The following SYT13 variants were observed in gnomAD, a reference collection of about 807,000 sequenced individuals.
The protein encoded by SYT13 is synaptotagmin 13.
SYT13 carries 21 observed loss-of-function variants against 38.6 expected under a neutral mutation model. The ratio of observed to expected loss-of-function variants is 0.54; its 90% CI spans 0.39 to 0.78. SYT13 has a LOEUF of 0.78. Among genes scored for constraint, SYT13 ranks in the 30% least tolerant of loss-of-function variants. The pLI, the probability that SYT13 is intolerant of heterozygous loss-of-function variation, is 0.00. For synonymous variants in SYT13, 241 were observed against 237.6 expected (o/e 1.01, Z -0.13); for missense variants, 495 against 548.7 (o/e 0.90, Z 0.98).
chr11:45,261,698 T>C (rs1854818892), intron 1 of SYT13, among the ~76,000 whole-genome samples: 1 of 152,036 alleles, frequency 6.6e-6, no homozygotes, highest in African/African-American at 2.4e-5. Context: ...GGTGACTTAC[T>C]TGAGGTCAGG....
chr11:45,240,662 T>C lies in SYT13; in HGVS notation c.*3390A>G, dbSNP rs1854539360. On this transcript the variant is annotated 3_prime_UTR_variant, in exon 6 of 6. Coordinates refer to ENST00000020926, the MANE Select transcript of SYT13 (RefSeq NM_020826.3). Reference sequence around the variant, plus strand: ...CAGACATATGCAAGGTCTTAATCAATAAGTGCTCAACAAATAGATATTGAT... The same window carrying C: ...CAGACATATGCAAGGTCTTAATCAACAAGTGCTCAACAAATAGATATTGAT... 1.3e-5 allele frequency: 2 copies of C among 152,338 alleles called. 1 individual carries two copies. The highest frequency in any genetic ancestry group is 6.8e-3 in the Middle Eastern group (2 of 294). 9.4% of individuals were successfully genotyped at this position (152,338 alleles called of 1,614,324 possible).
intron 5 of SYT13, 100 bp downstream of exon 5, chr11:45,246,283 C>G: frequency 6.6e-7 from 1 of 1,517,998 alleles, no homozygotes; most frequent in South Asian, 1.3e-5. Context: ...TATTCCACCT[C>G]CCTGCTTACC....
intron 5 of SYT13, among the ~76,000 whole-genome samples, chr11:45,244,674 C>T (rs1350344441): frequency 6.6e-5 from 10 of 152,120 alleles, no homozygotes; most frequent in Admixed American, 1.3e-4. Flanking sequence ...TTCTCCACTC[C>T]CCCACTAGGC....
At chr11:45,248,410 T>C (rs1410145160) in intron 4 of SYT13, among the ~76,000 whole-genome samples, 1 of 152,232 alleles carries the variant, frequency 6.6e-6, no homozygotes, top group Non-Finnish European at 1.5e-5. Flanking sequence ...AGAGGGCTAC[T>C]GATTTTGTTC....
chr11:45,251,992 G>A (rs906967675), intron 4 of SYT13, among the ~76,000 whole-genome samples: 15 of 152,198 alleles, frequency 9.9e-5, no homozygotes, highest in African/African-American at 3.6e-4. Context: ...TTGTCCCCTA[G>A]TCTGTACACT....
In SYT13 at chr11:45,252,726, C is replaced by T. The variant is rs747005701; in HGVS notation, c.545-4G>A. 4.5e-6 allele frequency: 7 copies of T among 1,564,890 alleles called. No individual in the cohort carries two copies. The South Asian group carries it at 7.1e-5, about 16-fold the overall frequency. Reference sequence around the variant, plus strand: ...CCGTCGTGGTTGCTGGTCACAGCTGCAGGCAAGGAGAACAACACAGGCGTG... The same window carrying T: ...CCGTCGTGGTTGCTGGTCACAGCTGTAGGCAAGGAGAACAACACAGGCGTG... On this transcript the variant is annotated splice_polypyrimidine_tract_variant and splice_region_variant and intron_variant, in intron 3 of 5. Coordinates refer to ENST00000020926, the MANE Select transcript of SYT13 (RefSeq NM_020826.3). This position sits in a 1 kb window ranked among gnomAD's most constrained non-coding sequence, Gnocchi z 4.3.
At chr11:45,266,289 G>A (rs528406341) in intron 1 of SYT13, among the ~76,000 whole-genome samples, 5 of 152,094 alleles carry the variant, frequency 3.3e-5, no homozygotes, top group South Asian at 2.1e-4. Context: ...AAGCTGACAC[G>A]TACTCTAGGG....
In SYT13 at chr11:45,286,223, C is replaced by G; in HGVS notation, c.-16G>C. On this transcript the variant is annotated 5_prime_UTR_variant, in exon 1 of 6. Coordinates refer to ENST00000020926, the MANE Select transcript of SYT13 (RefSeq NM_020826.3). ...ACAGCACCATGGTGCCCGCTCCCGG[C>G]GAGGGGCTGGGTCCCGCAGCCGCTC... The G allele has an allele frequency of 6.5e-7, 1 of 1,529,740 alleles. No individual in the cohort carries two copies. The allele number at this position is 1,529,740 out of a possible 1,614,324, so 94.8% of individuals were successfully genotyped here.
At chr11:45,268,690 C>A (rs1854913381) in intron 1 of SYT13, among the ~76,000 whole-genome samples, 1 of 152,108 alleles carries the variant, frequency 6.6e-6, no homozygotes, top group African/African-American at 2.4e-5. Flanking sequence ...GACTGTGGAG[C>A]CCACAGGCTT....
intron 2 of SYT13, chr11:45,254,744 C>A: frequency 4.9e-6 from 1 of 205,436 alleles, no homozygotes. Context: ...TCCCCAGTGC[C>A]CAGCAGCAGC....
chr11:45,269,448 G>A (rs1034718361), intron 1 of SYT13: 5 of 1,274,056 alleles, frequency 3.9e-6, no homozygotes, highest in East Asian at 5.8e-5. Context: ...CATTATTTCA[G>A]CAGTCACATC....
At position 45,240,996 on chromosome 11, in the gene SYT13, C is replaced by T. The variant is rs1248631128; in HGVS notation, c.*3056G>A. 2 of 152,164 alleles carry T rather than the reference C, an allele frequency of 1.3e-5. No homozygotes were observed. The allele number at this position is 152,164 out of a possible 1,614,324, so 9.4% of individuals were successfully genotyped here. A position where few individuals can be genotyped will look rare whatever the true frequency, so the allele number is the denominator to read the frequency against. ...AGACTACTGAAATATTTTTATTTGG[C>T]AGTTTGACATCTCTGGATAATTTAA... On this transcript the variant is annotated 3_prime_UTR_variant, in exon 6 of 6. Coordinates refer to ENST00000020926, the MANE Select transcript of SYT13 (RefSeq NM_020826.3).
At chr11:45,260,885 TC>T (rs1854807289) in intron 1 of SYT13, among the ~76,000 whole-genome samples, 1 of 152,266 alleles carries the variant, frequency 6.6e-6, no homozygotes, top group East Asian at 1.9e-4. Context: ...CACACTGGGC[TC>T]AAGCCATGCC....
In SYT13 at chr11:45,256,486, T is replaced by C. The variant is rs114226947; in HGVS notation, c.184-595A>G. The stretch of plus-strand genomic sequence containing the variant: ...ACCCCTACCTCCACCTGTTTTTGCA[T>C]GGCTGGCTCCATCTCACACCTGAAG... On this transcript the variant is annotated intron_variant, in intron 1 of 5. Coordinates refer to ENST00000020926, the MANE Select transcript of SYT13 (RefSeq NM_020826.3). Among the ~76,000 whole-genome samples, 574 of 152,262 alleles carry C rather than the reference T, an allele frequency of 3.8e-3. 10 individuals carry two copies. The highest frequency in any genetic ancestry group is 0.013 in the African/African-American group (560 of 41,552).
In SYT13 at chr11:45,252,430, A is replaced by T. The variant is rs781565797; in HGVS notation, c.837T>A (p.Thr279=). The stretch of plus-strand genomic sequence containing the variant: ...CCAGGGGTTACCCTACCTTCGCTGA[A>T]GTCTTCAGCTCGCCCCACTGGGCAG... ...LGAAQWGELK[T]SAKEPSAGAG... The change falls in exon 4 of 6, where the codon ACT becomes ACA. Residue 279 remains threonine, a synonymous_variant. Coordinates refer to ENST00000020926, the MANE Select transcript of SYT13 (RefSeq NM_020826.3). This position sits in a 1 kb window ranked among gnomAD's most constrained non-coding sequence, Gnocchi z 4.3. The T allele has an allele frequency of 5.7e-6, 9 of 1,583,034 alleles. No individual in the cohort carries two copies. The East Asian group carries it at 2.0e-4, about 36-fold the overall frequency.
chr11:45,284,816 C>T (rs947463679), intron 1 of SYT13, among the ~76,000 whole-genome samples: 1 of 152,194 alleles, frequency 6.6e-6, no homozygotes, highest in Admixed American at 6.5e-5. Flanking sequence ...TTTTCCAGAT[C>T]GTCCCAAGTC....
chr11:45,245,600 T>TA (rs1854604727), intron 5 of SYT13, among the ~76,000 whole-genome samples: 1 of 152,252 alleles, frequency 6.6e-6, no homozygotes, highest in African/African-American at 2.4e-5. Context: ...CTTATTTATA[T>TA]CTTGCTAGGC....
intron 4 of SYT13, among the ~76,000 whole-genome samples, chr11:45,250,224 G>A (rs891397173): frequency 1.3e-5 from 2 of 152,206 alleles, no homozygotes; most frequent in African/African-American, 4.8e-5. Flanking sequence ...TAGTAAACAG[G>A]TCAGTGATCA....
At chr11:45,279,450 G>A (rs115514435) in intron 1 of SYT13, among the ~76,000 whole-genome samples, 466 of 152,162 alleles carry the variant, frequency 3.1e-3, no homozygotes, top group African/African-American at 0.01. Flanking sequence ...AGCCAGGTAC[G>A]GTGGCACATG....
Sources: allele counts gnomAD v4.1 joint callset (sites outside exome capture counted in the v4.1 genomes callset), GRCh38; gene constraint gnomAD v4.1.1; non-coding constraint Gnocchi (gnomAD v3.1); transcripts MANE v1.5; gene names NCBI Gene and HGNC (gene_info 2026-07-23, HGNC 2026-07-21).